Variants in MACF1 observed in about 807,000 individuals in gnomAD.
The protein encoded by MACF1 is microtubule-actin cross-linking factor 1.
MACF1 carries 193 observed loss-of-function variants against 854.8 expected under a neutral mutation model. That is an observed-to-expected ratio of 0.23 (90% CI 0.20 to 0.25). MACF1 has a LOEUF of 0.25. MACF1 is among the 10% of genes least tolerant of loss of function. The probability of loss-of-function intolerance (pLI) is 1.00; values close to 1 mark genes in which losing one functional copy is unlikely to be tolerated. For missense variants in MACF1, 7,722 were observed against 8,929.1 expected, an observed-to-expected ratio of 0.86 and a Z score of 5.45; for synonymous variants, 3,185 against 3,226.7, an observed-to-expected ratio of 0.99 and a Z score of 0.44.
At chr1:39,377,042 G>A (rs899581591) in intron 52 of MACF1, among the ~76,000 whole-genome samples, 1 of 151,718 alleles carries the variant, frequency 6.6e-6, no homozygotes, top group Admixed American at 6.6e-5. Context: ...ATGGAGTCTT[G>A]CTCTGTCGCC....
intron 2 of MACF1, chr1:39,103,221 C>T (rs983729228): frequency 8.6e-6 from 3 of 350,078 alleles, no homozygotes; most frequent in African/African-American, 4.3e-5. Context: ...GACTCTTCCC[C>T]TTTTTGCCCC....
Position 39,333,281 on chromosome 1 carries a change from G to T in MACF1, c.6693G>T (p.Lys2231Asn). Residue 2231 changes from lysine (K) to asparagine (N), a missense_variant, in exon 37 of 101, where the codon AAG becomes AAT. By Grantham distance (94) the Lys-to-Asn change is moderately conservative (BLOSUM62 0). This residue lies in a region of MACF1 where 1,531 missense variants were observed against 1,601.6 expected (regional missense o/e 0.96). Transcript: ENST00000564288. ...VHPLDKKEML[K>N]KTFLAKDDHK... ...CTCTGGACAAAAAGGAAATGTTAAA[G>T]AAAACATTTCTGGCTAAGGATGACC... The T allele has an allele frequency of 1.2e-6, 2 of 1,614,042 alleles. No individual in the cohort carries two copies. The highest frequency in any genetic ancestry group is 1.3e-5 in the African/African-American group (1 of 75,036).
intron 2 of MACF1, among the ~76,000 whole-genome samples, chr1:39,135,217 G>T (rs907942253): frequency 6.6e-6 from 1 of 151,954 alleles, no homozygotes; most frequent in Non-Finnish European, 1.5e-5. Context: ...CTAATAATAT[G>T]ATTATTTTTG....
At chr1:39,480,237 A>T in intron 98 of MACF1, 1 of 490,546 alleles carries the variant, frequency 2.0e-6, no homozygotes. Flanking sequence ...TTATTAAAAT[A>T]TGCACTCAGC....
Position 39,287,236 on chromosome 1 carries a change from A to G in MACF1, c.1509-50A>G, listed in dbSNP as rs776599945. 3 of 1,543,314 alleles carry G rather than the reference A, an allele frequency of 1.9e-6. No individual in the cohort carries two copies. In the East Asian group the frequency reaches 6.8e-5, roughly 35 times the overall value. ...GATAAGGAAGATTTTATTTTTAAAA[A>G]CTATACTATAGATTTAAATCCTTTC... On this transcript the variant is annotated intron_variant, in intron 14 of 100. Coordinates refer to ENST00000564288, the MANE Select transcript of MACF1 (RefSeq NM_001394062.1).
At chr1:39,347,277 GC>G in intron 41 of MACF1, 67 bp downstream of exon 41, 1 of 1,199,562 alleles carries the variant, frequency 8.3e-7, no homozygotes, top group Non-Finnish European at 1.2e-6. Context: ...GGGTTTTCTG[GC>G]CAGACTCTGT....
intron 60 of MACF1, 58 bp downstream of exon 60, chr1:39,422,958 CATTTGCTTATA>C (rs1643594438): frequency 1.3e-6 from 2 of 1,491,834 alleles, no homozygotes; most frequent in Non-Finnish European, 1.9e-6. Context: ...GTAGACAACA[CATTTGCTTATA>C]GTTTAAGAAG....
intron 44 of MACF1, among the ~76,000 whole-genome samples, chr1:39,353,812 T>C (rs1191212806): frequency 6.6e-6 from 1 of 152,160 alleles, no homozygotes; most frequent in Non-Finnish European, 1.5e-5. Flanking sequence ...CTATGTCAAA[T>C]CAGTCATCAA....
At chr1:39,434,897 A>C (rs1643938683) in intron 69 of MACF1, among the ~76,000 whole-genome samples, 1 of 152,250 alleles carries the variant, frequency 6.6e-6, no homozygotes, top group African/African-American at 2.4e-5. Context: ...AATGGAATTT[A>C]AAATATTTCC....
chr1:39,459,365 G>T (rs1644504898), intron 91 of MACF1, 116 bp downstream of exon 91: 1 of 1,108,374 alleles, frequency 9.0e-7, no homozygotes, highest in South Asian at 1.7e-5. Context: ...TTTCACAATA[G>T]AAACAGACCT....
chr1:39,428,003 C>G lies in MACF1; in HGVS notation c.16519C>G (p.Gln5507Glu), dbSNP rs191687628. 9.0e-5 allele frequency: 146 copies of G among 1,614,100 alleles called. No homozygotes were observed. The highest frequency in any genetic ancestry group is 3.3e-4 in the Middle Eastern group (2 of 6,060). The change falls in exon 63 of 101, where the codon CAG becomes GAG. Residue 5507 changes from glutamine (Q) to glutamate (E), a missense_variant. Gln to Glu is a conservative substitution (Grantham distance 29). Coordinates refer to ENST00000564288, the MANE Select transcript of MACF1 (RefSeq NM_001394062.1). ...AGAAAACCATGCAACAGATGTGCAC[C>G]AGGCAGTCAAAATTGGGCAGTCCCT... The part of the protein sequence containing the change: ...DIENHATDVH[Q>E]AVKIGQSLSS...
At chr1:39,300,467 A>T (rs1571296255) in intron 22 of MACF1, 105 bp downstream of exon 22, 10 of 1,084,480 alleles carry the variant, frequency 9.2e-6, no homozygotes, top group African/African-American at 7.0e-5. Flanking sequence ...CAGCGTTTTT[A>T]AAATTAGAAT....
Position 39,335,978 on chromosome 1 carries a change from C to T in MACF1, c.9390C>T (p.Ser3130=). ...KAQVTGPSQI[S]KTDKSFQGTT... is the part of the protein sequence containing the mutation. The stretch of plus-strand genomic sequence containing the variant: ...AAGTGACAGGCCCATCCCAAATTTC[C>T]AAAACAGACAAGTCTTTCCAAGGAA... Residue 3130 remains serine (S), a synonymous_variant, in exon 37 of 101, where the codon TCC becomes TCT. Coordinates refer to ENST00000564288, the MANE Select transcript of MACF1 (RefSeq NM_001394062.1). 1.2e-6 allele frequency: 2 copies of T among 1,614,096 alleles called. No individual in the cohort carries two copies. Among genetic ancestry groups the T allele is most frequent in the Non-Finnish European group, 1.7e-6 (2 of 1,180,014 alleles).
At chr1:39,416,195 A>G (rs2148625143) in intron 58 of MACF1, among the ~76,000 whole-genome samples, 1 of 152,332 alleles carries the variant, frequency 6.6e-6, no homozygotes, top group Non-Finnish European at 1.5e-5. Flanking sequence ...TTATTTTGTC[A>G]GGTAGCATTC....
At chr1:39,474,772 G>A (rs1047565558) in intron 97 of MACF1, among the ~76,000 whole-genome samples, 2 of 152,196 alleles carry the variant, frequency 1.3e-5, no homozygotes, top group Admixed American at 1.3e-4. Flanking sequence ...CAGCCTCAGC[G>A]ACAGAGTGAG....
At chr1:39,154,544 G>A (rs951582536) in intron 2 of MACF1, among the ~76,000 whole-genome samples, 8 of 152,108 alleles carry the variant, frequency 5.3e-5, no homozygotes, top group African/African-American at 1.9e-4. Flanking sequence ...TATGGAAGGT[G>A]TTGATTTCTA....
At chr1:39,467,400 T>TC (rs577139182) in intron 95 of MACF1, among the ~76,000 whole-genome samples, 307 of 152,124 alleles carry the variant, frequency 2.0e-3, no homozygotes, top group Admixed American at 2.9e-3. Context: ...TCCTACCAAC[T>TC]CCATACCCGA....
chr1:39,316,606 G>T, intron 28 of MACF1, 77 bp downstream of exon 28: 1 of 1,453,576 alleles, frequency 6.9e-7, no homozygotes, highest in Non-Finnish European at 9.3e-7. Context: ...TGCAATTTTG[G>T]ATGGCATGAC....
chr1:39,442,358 C>T, intron 76 of MACF1, 38 bp downstream of exon 76: 1 of 1,604,116 alleles, frequency 6.2e-7, no homozygotes, highest in Middle Eastern at 1.7e-4. Flanking sequence ...GAACTACTCT[C>T]CGCTCTTTTC....
Sources: allele counts gnomAD v4.1 joint callset (sites outside exome capture counted in the v4.1 genomes callset), GRCh38; gene constraint gnomAD v4.1.1; regional missense constraint gnomAD v4.1.1; transcripts MANE v1.5; gene names NCBI Gene and HGNC (gene_info 2026-07-23, HGNC 2026-07-21).